The following ZNF107 variants were observed in gnomAD, a reference collection of about 807,000 sequenced individuals.
ZNF107 encodes zinc finger protein 107.
A neutral mutation model predicts 12.3 loss-of-function variants in ZNF107; 19 were observed. The observed-to-expected ratio is 1.55, with a 90% CI of 1.08 to 2.27. ZNF107 has a LOEUF of 2.27. ZNF107 is among the 30% of genes most tolerant of loss of function. The probability of loss-of-function intolerance (pLI) is 0.00; values close to 1 mark genes in which losing one functional copy is unlikely to be tolerated. For synonymous variants in ZNF107, 317 were observed against 330.5 expected (o/e 0.96, Z 0.44); for missense variants, 958 against 979.9 (o/e 0.98, Z 0.30).
At chr7:64,696,668 C>T (rs991577602) in intron 3 of ZNF107, among the ~76,000 whole-genome samples, 1 of 151,952 alleles carries the variant, frequency 6.6e-6, no homozygotes, top group South Asian at 2.1e-4. Context: ...GACAAACACC[C>T]TTCCACTTTT....
At position 64,708,747 on chromosome 7, in the gene ZNF107, C is replaced by G. The variant is rs1370502753; in HGVS notation, c.*91C>G. 7.7e-7 allele frequency: 1 copy of G among 1,298,432 alleles called. No homozygotes were observed. Among genetic ancestry groups the G allele is most frequent in the Middle Eastern group, 1.9e-4 (1 of 5,278 alleles). 80.4% of individuals were successfully genotyped at this position (1,298,432 alleles called of 1,614,324 possible). On this transcript the variant is annotated 3_prime_UTR_variant, in exon 4 of 4. Transcript: ENST00000620827. ...TGTGTTAAAGCCTTTAACAAGTCTT[C>G]AACTTTTTCTGCACACACGAGGTAT...
chr7:64,690,845 A>C (rs901618839), intron 1 of ZNF107, among the ~76,000 whole-genome samples: 2 of 151,960 alleles, frequency 1.3e-5, no homozygotes, highest in Non-Finnish European at 2.9e-5. Flanking sequence ...GGGTTCCAGC[A>C]ATTCTCCTGC....
intron 1 of ZNF107, among the ~76,000 whole-genome samples, chr7:64,672,635 T>G (rs899588685): frequency 1.3e-5 from 2 of 152,230 alleles, no homozygotes; most frequent in African/African-American, 2.4e-5. Context: ...AGTGCTGTGG[T>G]TACAGGTGTG....
Position 64,707,933 on chromosome 7 carries a change from A to G in ZNF107, c.1836A>G (p.Lys612=). ...FKQSSHRTIH[K]IIHTGEKPYK... is the part of the protein sequence containing the mutation. ...AGTCCTCACACCGTACTATACATAA[A>G]ATTATTCATACTGGAGAGAAACCCT... Residue 612 remains lysine (K), a synonymous_variant, in exon 4 of 4, where the codon AAA becomes AAG. Transcript: ENST00000620827. 1 of 1,609,438 alleles carries G rather than the reference A, an allele frequency of 6.2e-7. No individual in the cohort carries two copies. The highest frequency in any genetic ancestry group is 8.5e-7 in the Non-Finnish European group (1 of 1,178,394).
intron 3 of ZNF107, among the ~76,000 whole-genome samples, chr7:64,696,760 T>A (rs1326864753): frequency 1.3e-5 from 2 of 152,168 alleles, no homozygotes; most frequent in Admixed American, 1.3e-4. Context: ...TAGCTTATTT[T>A]AGTGACATAA....
At chr7:64,701,368 T>A (rs1251170202) in intron 3 of ZNF107, among the ~76,000 whole-genome samples, 1 of 151,858 alleles carries the variant, frequency 6.6e-6, no homozygotes, top group East Asian at 1.9e-4. Context: ...GTTCACGTGA[T>A]CTCCTGCCTT....
chr7:64,690,565 A>C, intron 1 of ZNF107: 1 of 977,518 alleles, frequency 1.0e-6, no homozygotes, highest in South Asian at 4.7e-5. Context: ...ATTTTTTATT[A>C]AAACCAGTAT....
chr7:64,666,378 C>T, intron 1 of ZNF107, 93 bp downstream of exon 1: 1 of 1,530,634 alleles, frequency 6.5e-7, no homozygotes, highest in Non-Finnish European at 8.9e-7. Context: ...CCTCCAAAGT[C>T]CGCGGCCCCA....
At position 64,710,751 on chromosome 7, in the gene ZNF107, G is replaced by A. The variant is rs76617962; in HGVS notation, c.*2095G>A. 1 of 152,056 alleles carries A rather than the reference G, an allele frequency of 6.6e-6. No individual in the cohort carries two copies. The highest frequency in any genetic ancestry group is 2.1e-4 in the South Asian group (1 of 4,836). The allele number at this position is 152,056 out of a possible 1,614,324, so 9.4% of individuals were successfully genotyped here. A position where few individuals can be genotyped will look rare whatever the true frequency, so the allele number is the denominator to read the frequency against. Reference sequence around the variant, plus strand: ...AATTTTTCATGCATCAAAGATATGAGAAATCATTTCTGTTAGGTCGGTATT... The same window carrying A: ...AATTTTTCATGCATCAAAGATATGAAAAATCATTTCTGTTAGGTCGGTATT... On this transcript the variant is annotated 3_prime_UTR_variant, in exon 4 of 4. Transcript: ENST00000620827.
At chr7:64,685,506 C>T (rs1307865811) in intron 1 of ZNF107, among the ~76,000 whole-genome samples, 3 of 152,166 alleles carry the variant, frequency 2.0e-5, no homozygotes, top group South Asian at 2.1e-4. Flanking sequence ...CCACCACTGA[C>T]GAATGCCTCC....
At chr7:64,680,450 G>A (rs1235738569) in intron 1 of ZNF107, among the ~76,000 whole-genome samples, 1 of 152,132 alleles carries the variant, frequency 6.6e-6, no homozygotes, top group Non-Finnish European at 1.5e-5. Context: ...AGGTCTCCAG[G>A]GAGGTCCCCC....
chr7:64,670,751 A>G (rs181224362), intron 1 of ZNF107, among the ~76,000 whole-genome samples: 73 of 152,264 alleles, frequency 4.8e-4, no homozygotes, highest in African/African-American at 1.7e-3. Flanking sequence ...TCTTTGTCCT[A>G]TACATTTTTT....
At chr7:64,706,254 A>G (rs1790636256) in intron 3 of ZNF107, 70 bp from the exon 4 acceptor site, 4 of 1,241,062 alleles carry the variant, frequency 3.2e-6, no homozygotes, top group Non-Finnish European at 4.1e-6. Flanking sequence ...ATAATTTTAT[A>G]GATTAGATTT....
intron 3 of ZNF107, among the ~76,000 whole-genome samples, chr7:64,698,308 A>G (rs190013544): frequency 6.6e-5 from 10 of 152,306 alleles, no homozygotes; most frequent in Middle Eastern, 6.8e-3. Flanking sequence ...TTGTAATATT[A>G]ACTTCTATCA....
intron 1 of ZNF107, among the ~76,000 whole-genome samples, chr7:64,674,983 G>A (rs1789367119): frequency 6.6e-6 from 1 of 151,296 alleles, no homozygotes; most frequent in Non-Finnish European, 1.5e-5. Flanking sequence ...TAGCTTTTAT[G>A]ATGTGCTGCT....
In ZNF107 at chr7:64,671,130, G is replaced by A. The variant is rs778024407; in HGVS notation, c.3+4845G>A. Among the ~76,000 whole-genome samples the A allele has an allele frequency of 7.6e-4, 115 of 152,092 alleles. 1 individual carries two copies. Among genetic ancestry groups the A allele is most frequent in the Non-Finnish European group, 1.3e-3 (91 of 67,980 alleles). ...CTGGAGTGGAACTCTGGGTGTCTGG[G>A]AATGCGACGCTCTACCCTCCTGTAC... On this transcript the variant is annotated intron_variant, in intron 1 of 3. Coordinates refer to ENST00000620827, the MANE Select transcript of ZNF107 (RefSeq NM_001282359.2).
At chr7:64,698,388 T>A (rs890160958) in intron 3 of ZNF107, among the ~76,000 whole-genome samples, 1 of 152,164 alleles carries the variant, frequency 6.6e-6, no homozygotes, top group Non-Finnish European at 1.5e-5. Flanking sequence ...TTGTCTGTGA[T>A]GTGCATTAAT....
chr7:64,696,956 A>G (rs1282741567), intron 3 of ZNF107, among the ~76,000 whole-genome samples: 2 of 151,890 alleles, frequency 1.3e-5, no homozygotes, highest in Non-Finnish European at 2.9e-5. Context: ...TCCTAATGCT[A>G]TCCCTCCCCC....
chr7:64,668,796 A>G (rs1407167762), intron 1 of ZNF107, among the ~76,000 whole-genome samples: 1 of 152,020 alleles, frequency 6.6e-6, no homozygotes, highest in East Asian at 1.9e-4. Flanking sequence ...TTAGAGTGCT[A>G]GCAGGGAAAC....
Sources: allele counts gnomAD v4.1 joint callset (sites outside exome capture counted in the v4.1 genomes callset), GRCh38; gene constraint gnomAD v4.1.1; transcripts MANE v1.5; gene names NCBI Gene and HGNC (gene_info 2026-07-23, HGNC 2026-07-21).